The following CCL26 variants were observed in gnomAD, a reference collection of about 807,000 sequenced individuals.
CCL26 encodes C-C motif chemokine ligand 26.
Under a neutral mutation model 10.7 loss-of-function variants are expected in CCL26, and 10 were observed. That is an observed-to-expected ratio of 0.93 (90% CI 0.57 to 1.58). The LOEUF is 1.58. CCL26 is among the 40% of genes most tolerant of loss of function. The probability of loss-of-function intolerance (pLI) is 0.00; values close to 1 mark genes in which losing one functional copy is unlikely to be tolerated. For synonymous variants in CCL26, 43 were observed against 41.4 expected (o/e 1.04, Z -0.15); for missense variants, 116 against 111.0 (o/e 1.05, Z -0.20).
intron 1 of CCL26, among the ~76,000 whole-genome samples, chr7:75,783,024 C>G (rs763316772): frequency 6.6e-6 from 1 of 152,136 alleles, no homozygotes; most frequent in South Asian, 2.1e-4. Flanking sequence ...TCCTCACACC[C>G]GGTCTGGCTT....
At chr7:75,777,741 A>AAAAAAAAAAAAAAC (rs1802973094) in intron 1 of CCL26, among the ~76,000 whole-genome samples, 1 of 150,822 alleles carries the variant, frequency 6.6e-6, no homozygotes, top group African/African-American at 2.4e-5. Context: ...AAAAAAAAAA[A>AAAAAAAAAAAAAAC]AGCAGCAGCA....
upstream of CCL26, among the ~76,000 whole-genome samples, chr7:75,773,576 TTTTG>T (rs1802875359): frequency 6.6e-6 from 1 of 151,880 alleles, no homozygotes; most frequent in Non-Finnish European, 1.5e-5. Context: ...ATTATTATTA[TTTTG>T]TGTGTGTGTG....
At chr7:75,783,786 CAA>C (rs1318162003) in intron 1 of CCL26, among the ~76,000 whole-genome samples, 31 of 87,754 alleles carry the variant, frequency 3.5e-4, no homozygotes, top group Admixed American at 7.9e-4. Flanking sequence ...GACTCCAGCT[CAA>C]AAAAAAAAAA....
chr7:75,777,943 C>T (rs1196149626), intron 1 of CCL26, among the ~76,000 whole-genome samples: 1 of 151,530 alleles, frequency 6.6e-6, no homozygotes, highest in Non-Finnish European at 1.5e-5. Flanking sequence ...TGGTCTCGAA[C>T]TCCTGGCCTC....
At chr7:75,778,957 C>T (rs192671715) in intron 1 of CCL26, among the ~76,000 whole-genome samples, 1 of 152,262 alleles carries the variant, frequency 6.6e-6, no homozygotes, top group African/African-American at 2.4e-5. Flanking sequence ...CCCCAGTGAC[C>T]TGCACGTATA....
chr7:75,783,076 A>T (rs1053976960), intron 1 of CCL26, among the ~76,000 whole-genome samples: 4 of 152,014 alleles, frequency 2.6e-5, no homozygotes, highest in Admixed American at 2.6e-4. Context: ...CCTGTCCAAC[A>T]ATTTCCTCTT....
At chr7:75,785,011 C>T (rs142796318) in intron 1 of CCL26, among the ~76,000 whole-genome samples, 192 of 152,298 alleles carry the variant, frequency 1.3e-3, no homozygotes, top group African/African-American at 4.4e-3. Flanking sequence ...TTACAATTTC[C>T]CCATTTTACC....
chr7:75,772,635 C>T (rs1391884415), upstream of CCL26, among the ~76,000 whole-genome samples: 5 of 144,262 alleles, frequency 3.5e-5, no homozygotes, highest in Non-Finnish European at 6.0e-5. Context: ...GCAGCCTGGG[C>T]GACAGAGTGA....
chr7:75,791,544 G>A (rs1305853012), upstream of CCL26, among the ~76,000 whole-genome samples: 3 of 151,958 alleles, frequency 2.0e-5, no homozygotes, highest in African/African-American at 7.3e-5. Flanking sequence ...GGTTCCCAGG[G>A]TCTAGGCTGC....
chr7:75,773,059 G>A (rs545413598), upstream of CCL26, among the ~76,000 whole-genome samples: 8 of 152,138 alleles, frequency 5.3e-5, no homozygotes, highest in African/African-American at 1.9e-4. Context: ...GTCCAGGCAG[G>A]TGCCAGCCCA....
intron 1 of CCL26, among the ~76,000 whole-genome samples, chr7:75,789,461 C>T (rs117892047): frequency 0.015 from 1,842 of 122,860 alleles, 36 homozygotes; most frequent in South Asian, 0.067. Context: ...CTCTTTTTCT[C>T]TTTTTTTTTT....
intron 1 of CCL26, among the ~76,000 whole-genome samples, chr7:75,779,418 C>T (rs62475533): frequency 0.18 from 26,822 of 152,122 alleles, 2,941 homozygotes; most frequent in East Asian, 0.28. Flanking sequence ...GTCCTCAGAC[C>T]GACCAGCCCA....
chr7:75,772,423 G>A (rs190042433), upstream of CCL26, among the ~76,000 whole-genome samples: 13 of 152,258 alleles, frequency 8.5e-5, no homozygotes, highest in African/African-American at 3.1e-4. Context: ...CTGGGAGACC[G>A]AGGTGGGCGG....
upstream of CCL26, among the ~76,000 whole-genome samples, chr7:75,772,827 C>T (rs1381300312): frequency 3.9e-5 from 6 of 152,158 alleles, no homozygotes; most frequent in Admixed American, 3.3e-4. Context: ...TGAGTCAACA[C>T]TTTCTTGTTT....
chr7:75,773,081 C>T (rs1802865925), upstream of CCL26, among the ~76,000 whole-genome samples: 1 of 152,040 alleles, frequency 6.6e-6, no homozygotes, highest in Non-Finnish European at 1.5e-5. Flanking sequence ...CTTCTTGGGG[C>T]CACACCTGTA....
intron 1 of CCL26, among the ~76,000 whole-genome samples, chr7:75,787,578 G>A (rs1803225202): frequency 1.4e-5 from 2 of 146,106 alleles, no homozygotes; most frequent in Admixed American, 1.4e-4. Flanking sequence ...CTGGGATGTG[G>A]AGCTTGCAGT....
intron 1 of CCL26, among the ~76,000 whole-genome samples, chr7:75,782,155 G>T (rs567223165): frequency 3.3e-5 from 5 of 151,954 alleles, no homozygotes; most frequent in Admixed American, 3.3e-4. Context: ...CAATCTTGGC[G>T]CCACCCTTCA....
upstream of CCL26, among the ~76,000 whole-genome samples, chr7:75,790,182 T>TTCCTTCCTTCCTTC (rs1554530622): frequency 7.3e-5 from 6 of 82,064 alleles, no homozygotes; most frequent in African/African-American, 2.3e-4. Flanking sequence ...TTCCTTCCTT[T>TTCCTTCCTTCCTTC]CTTTCTTTCT....
intron 1 of CCL26, among the ~76,000 whole-genome samples, chr7:75,785,873 G>A (rs1007419966): frequency 6.6e-6 from 1 of 152,118 alleles, no homozygotes; most frequent in East Asian, 1.9e-4. Context: ...CACAAGGACC[G>A]GGACCGCGCC....
Sources: allele counts gnomAD v4.1 joint callset (sites outside exome capture counted in the v4.1 genomes callset), GRCh38; gene constraint gnomAD v4.1.1; transcripts MANE v1.5; gene names NCBI Gene and HGNC (gene_info 2026-07-23, HGNC 2026-07-21).